CPM: variants seen among roughly 807,000 people sequenced by gnomAD.
The protein encoded by CPM is renal carboxypeptidase.
CPM carries 35 observed loss-of-function variants against 46.4 expected under a neutral mutation model. The observed-to-expected ratio is 0.75, with a 90% CI of 0.58 to 1.00. The LOEUF (loss-of-function observed/expected upper bound fraction) is 1.00, where lower values mean the gene tolerates loss of function less well. Ranked by LOEUF, CPM falls within the 50% of genes least tolerant of loss-of-function variation. CPM has a pLI of 0.00. For missense variants in CPM, 422 were observed against 530.4 expected, an observed-to-expected ratio of 0.80 and a Z score of 2.01; for synonymous variants, 195 against 195.3, an observed-to-expected ratio of 1.00 and a Z score of 0.01.
chr12:68,951,012 C>A (rs2136335247), intron 1 of CPM, among the ~76,000 whole-genome samples: 1 of 152,318 alleles, frequency 6.6e-6, no homozygotes, highest in East Asian at 1.9e-4. Context: ...ATCCTTAAAA[C>A]AAATCCATTA....
chr12:68,870,423 G>A, intron 4 of CPM, 24 bp from the exon 5 acceptor site: 1 of 1,601,626 alleles, frequency 6.2e-7, no homozygotes, highest in Non-Finnish European at 8.5e-7. Context: ...AATATTTTAG[G>A]GCTTATTGAT....
chr12:68,844,835 T>G (rs759476008), intron 5 of CPM: 29 of 201,620 alleles, frequency 1.4e-4, no homozygotes, highest in Admixed American at 6.0e-5. Context: ...GGTGCAATCT[T>G]GGCTCACTGC....
chr12:68,857,100 C>A (rs1262245036), intron 8 of CPM, among the ~76,000 whole-genome samples: 1 of 151,830 alleles, frequency 6.6e-6, no homozygotes, highest in Admixed American at 6.6e-5. Context: ...TTACTAATTT[C>A]TTTTCAGCTG....
At position 68,932,880 on chromosome 12, in the gene CPM, G is replaced by T. The variant is rs1466776635; in HGVS notation, c.-3-40C>A. On this transcript the variant is annotated intron_variant, in intron 1 of 8. Transcript: ENST00000551568. The stretch of plus-strand genomic sequence containing the variant: ...AAATAAGAAGAACCTGAGAACACAT[G>T]AGGGCAGGCGGGGGCATCACCAGCT... 3.8e-6 allele frequency: 6 copies of T among 1,591,226 alleles called. No individual in the cohort carries two copies. The Admixed American group carries it at 6.8e-5, about 18-fold the overall frequency.
In CPM at chr12:68,924,657, A is replaced by AT. The variant is rs139716972; in HGVS notation, c.160+8020dup. ...TGTATATTATAGCTGAATTTCCTAGATTTTAGTGGTTTTCTTCATATTCAT... is the reference window on the plus strand; with the variant it reads ...TGTATATTATAGCTGAATTTCCTAGATTTTTAGTGGTTTTCTTCATATTCAT... On this transcript the variant is annotated intron_variant, in intron 2 of 8. Coordinates refer to ENST00000551568, the MANE Select transcript of CPM (RefSeq NM_198320.5). 3.9e-3 allele frequency among the ~76,000 whole-genome samples: 600 copies of AT among 152,256 alleles called. 2 individuals are homozygous for AT. The highest frequency in any genetic ancestry group is 0.014 in the African/African-American group (566 of 41,544).
chr12:68,850,827 T>A (rs1884635045), downstream of CPM: 1 of 152,188 alleles, frequency 6.6e-6, no homozygotes, highest in African/African-American at 2.4e-5. Context: ...CTTTTCTGCA[T>A]TTCTCAGATT....
intron 2 of CPM, chr12:68,913,806 T>A (rs1887696531): frequency 1.6e-6 from 1 of 612,180 alleles, no homozygotes; most frequent in Non-Finnish European, 3.1e-6. Context: ...AGTTAATCCA[T>A]CTCAGCATTT....
intron 2 of CPM, among the ~76,000 whole-genome samples, chr12:68,893,523 C>CACA (rs1886743956): frequency 6.6e-6 from 1 of 152,144 alleles, no homozygotes; most frequent in Admixed American, 6.5e-5. Flanking sequence ...TCCCAGGGGT[C>CACA]TTGTGCTGCT....
chr12:68,863,596 A>G (rs918561368), intron 7 of CPM, among the ~76,000 whole-genome samples: 6 of 152,294 alleles, frequency 3.9e-5, no homozygotes, highest in Non-Finnish European at 5.9e-5. Context: ...GGCTGATGCT[A>G]TTACTCTCAA....
intron 1 of CPM, among the ~76,000 whole-genome samples, chr12:68,955,414 G>A (rs1888998595): frequency 6.6e-6 from 1 of 152,150 alleles, no homozygotes; most frequent in African/African-American, 2.4e-5. Flanking sequence ...CACAGCCCTG[G>A]GTTCAGGAGC....
At chr12:68,903,269 C>G (rs936443861) in intron 2 of CPM, among the ~76,000 whole-genome samples, 2 of 152,170 alleles carry the variant, frequency 1.3e-5, no homozygotes, top group African/African-American at 2.4e-5. Flanking sequence ...AGCCATCTTT[C>G]TCTTTTTTTC....
At chr12:68,956,389 C>G (rs1232271327) in intron 1 of CPM, among the ~76,000 whole-genome samples, 1 of 152,190 alleles carries the variant, frequency 6.6e-6, no homozygotes, top group African/African-American at 2.4e-5. Flanking sequence ...GATCCCATCC[C>G]GCCAACTTGG....
intron 1 of CPM, among the ~76,000 whole-genome samples, chr12:68,954,433 C>A (rs1203673998): frequency 1.3e-5 from 2 of 152,302 alleles, no homozygotes; most frequent in Admixed American, 6.5e-5. Flanking sequence ...CTCCTTGAAG[C>A]ACTACCCTCT....
chr12:68,932,638 GA>G, intron 2 of CPM, 39 bp downstream of exon 2: 1 of 1,609,252 alleles, frequency 6.2e-7, no homozygotes, highest in East Asian at 2.2e-5. Context: ...TGAAAGGGAG[GA>G]CTGAGGGTTT....
chr12:68,843,129 A>G (rs1436503571), intron 5 of CPM: 1 of 223,678 alleles, frequency 4.5e-6, no homozygotes, highest in African/African-American at 2.2e-5. Flanking sequence ...TAATTTTGGA[A>G]AACAATGTAT....
At position 68,869,487 on chromosome 12, in the gene CPM, C is replaced by T; in HGVS notation, c.625G>A (p.Ala209Thr). ...GGCGTTAAGCTTCGGGAGTATAATGCCCCAGTTGCTGCATTTAAAAGATGA... is the reference window on the plus strand; with the variant it reads ...GGCGTTAAGCTTCGGGAGTATAATGTCCCAGTTGCTGCATTTAAAAGATGA... ...PFDNGVQATGALYSRSLTPDD... is the reference protein window; with the variant it reads ...PFDNGVQATGTLYSRSLTPDD... Residue 209 changes from alanine (A) to threonine (T), a missense_variant, in exon 6 of 9, where the codon GCA becomes ACA. By Grantham distance (58) the Ala-to-Thr change is moderately conservative (BLOSUM62 0). Coordinates refer to ENST00000551568, the MANE Select transcript of CPM (RefSeq NM_198320.5). The T allele has an allele frequency of 1.2e-6, 2 of 1,601,026 alleles. No homozygotes were observed. The highest frequency in any genetic ancestry group is 1.7e-6 in the Non-Finnish European group (2 of 1,173,212).
rs76377413 is a variant in CPM, at chr12:68,926,389, A to G, written c.160+6289T>C. On this transcript the variant is annotated intron_variant, in intron 2 of 8. Transcript: ENST00000551568. ...GGTCTAGTCATATTTCAACTCCTCA[A>G]TTGCTTAGTGGCTAATGGCTACTGA... 7.6e-3 allele frequency among the ~76,000 whole-genome samples: 1,152 copies of G among 151,984 alleles called. 8 individuals carry two copies. Among genetic ancestry groups the G allele is most frequent in the Non-Finnish European group, 0.012 (807 of 67,970 alleles).
At chr12:68,917,225 C>CTCT (rs3970929) in intron 2 of CPM, among the ~76,000 whole-genome samples, 117,213 of 151,680 alleles carry the variant, frequency 0.77, 45,590 homozygotes, top group African/African-American at 0.88. Flanking sequence ...TGGCTGATCT[C>CTCT]TTATCCTTCA....
At chr12:68,956,076 T>C (rs990220334) in intron 1 of CPM, among the ~76,000 whole-genome samples, 1 of 152,144 alleles carries the variant, frequency 6.6e-6, no homozygotes, top group East Asian at 1.9e-4. Flanking sequence ...AAGGGGCTCC[T>C]GCAGGCCTAC....
Sources: gnomAD v4.1 joint callset for allele counts (sites outside exome capture counted in the v4.1 genomes callset) on GRCh38, gnomAD v4.1.1 for gene constraint, MANE v1.5 for transcripts, NCBI Gene and HGNC (gene_info 2026-07-23, HGNC 2026-07-21) for gene names.